The following BRINP1 variants were observed in gnomAD, a reference collection of about 807,000 sequenced individuals.
BRINP1 encodes the protein BMP/retinoic acid inducible neural specific 1, also known as BMP/retinoic acid-inducible neural-specific protein 1.
A neutral mutation model predicts 72.9 loss-of-function variants in BRINP1; 17 were observed. That is an observed-to-expected ratio of 0.23 (90% CI 0.16 to 0.35). BRINP1 has a LOEUF of 0.35. Ranked by LOEUF, BRINP1 falls within the 10% of genes least tolerant of loss-of-function variation. The pLI is 1.00. For synonymous variants in BRINP1, 418 were observed against 378.5 expected (o/e 1.10, Z -1.21); for missense variants, 850 against 1,001.6 (o/e 0.85, Z 2.04).
chr9:119,334,906 C>T (rs1299330268), intron 1 of BRINP1, among the ~76,000 whole-genome samples: 1 of 152,034 alleles, frequency 6.6e-6, no homozygotes, highest in East Asian at 1.9e-4. Context: ...TTTGTCTAAG[C>T]CTTAGCAAAG....
At chr9:119,301,097 C>T (rs1347992928) in intron 2 of BRINP1, among the ~76,000 whole-genome samples, 1 of 152,198 alleles carries the variant, frequency 6.6e-6, no homozygotes, top group Non-Finnish European at 1.5e-5. Flanking sequence ...TATACAACCA[C>T]CTACTAAGTC....
intron 1 of BRINP1, among the ~76,000 whole-genome samples, chr9:119,346,334 C>T (rs142343239): frequency 1.3e-4 from 20 of 152,082 alleles, no homozygotes; most frequent in Non-Finnish European, 2.5e-4. Flanking sequence ...CCTTTTTGAC[C>T]CCATGGCCAA....
chr9:119,259,308 G>A (rs1335102872), intron 2 of BRINP1, among the ~76,000 whole-genome samples: 3 of 152,162 alleles, frequency 2.0e-5, no homozygotes. Flanking sequence ...TATTTACCTT[G>A]CAGCATTGCT....
intron 5 of BRINP1, among the ~76,000 whole-genome samples, chr9:119,238,196 C>T (rs1830210855): frequency 6.6e-6 from 1 of 151,860 alleles, no homozygotes; most frequent in African/African-American, 2.4e-5. Flanking sequence ...AAAAACAGTG[C>T]TATGTGTACT....
At chr9:119,211,961 C>T (rs1041678496) in intron 6 of BRINP1, among the ~76,000 whole-genome samples, 2 of 152,074 alleles carry the variant, frequency 1.3e-5, no homozygotes, top group Non-Finnish European at 2.9e-5. Flanking sequence ...AAGAGTCTTA[C>T]TCCTTGTGCA....
intron 2 of BRINP1, among the ~76,000 whole-genome samples, chr9:119,278,953 G>A (rs1357758128): frequency 6.6e-6 from 1 of 151,886 alleles, no homozygotes; most frequent in African/African-American, 2.4e-5. Context: ...TCTGTCAATT[G>A]ATTTTTACAT....
rs182005391 is a variant in BRINP1 at position 119,299,157 on chromosome 9, T to G, written c.218+13981A>C. Reference sequence around the variant, plus strand: ...TTACAGTTTTTAAGTATAGTCACCATGTTGAACAATCGATCTTAAATTTGT... The same window carrying G: ...TTACAGTTTTTAAGTATAGTCACCAGGTTGAACAATCGATCTTAAATTTGT... On this transcript the variant is annotated intron_variant, in intron 2 of 7. Transcript: ENST00000265922. 5.7e-4 allele frequency among the ~76,000 whole-genome samples: 87 copies of G among 152,316 alleles called. No homozygotes were observed. In the East Asian group the frequency reaches 7.7e-3, roughly 14 times the overall value.
intron 6 of BRINP1, among the ~76,000 whole-genome samples, chr9:119,210,479 G>C (rs956406472): frequency 6.6e-6 from 1 of 152,046 alleles, no homozygotes; most frequent in Non-Finnish European, 1.5e-5. Context: ...AGGTATTTTA[G>C]AGCCCCCATT....
chr9:119,219,401 G>A (rs141670715), intron 5 of BRINP1, among the ~76,000 whole-genome samples: 164 of 152,104 alleles, frequency 1.1e-3, no homozygotes, highest in African/African-American at 3.6e-3. Context: ...ATTGGTCTTC[G>A]TTTTTAATCA....
At chr9:119,289,329 C>G (rs1319241769) in intron 2 of BRINP1, among the ~76,000 whole-genome samples, 1 of 152,164 alleles carries the variant, frequency 6.6e-6, no homozygotes, top group Non-Finnish European at 1.5e-5. Context: ...TTGGTATTCT[C>G]TACCTGTAAG....
intron 7 of BRINP1, among the ~76,000 whole-genome samples, chr9:119,197,462 A>G (rs916141484): frequency 2.6e-5 from 4 of 152,200 alleles, no homozygotes; most frequent in African/African-American, 9.7e-5. Flanking sequence ...TACATAATAA[A>G]TGGTCAATGT....
chr9:119,217,758 A>G (rs1030818024), intron 5 of BRINP1, among the ~76,000 whole-genome samples: 2 of 152,160 alleles, frequency 1.3e-5, no homozygotes, highest in African/African-American at 4.8e-5. Flanking sequence ...TCTGTGTCAC[A>G]TGATGGGATA....
chr9:119,288,581 T>C (rs919574020), intron 2 of BRINP1, among the ~76,000 whole-genome samples: 2 of 152,034 alleles, frequency 1.3e-5, no homozygotes, highest in Non-Finnish European at 2.9e-5. Context: ...CTGGAAGCAA[T>C]GGGCTTTGCT....
chr9:119,201,012 C>G (rs1829800306), intron 7 of BRINP1, among the ~76,000 whole-genome samples: 3 of 152,066 alleles, frequency 2.0e-5, no homozygotes. Flanking sequence ...GGAACCCAGC[C>G]AAGGGGTAGG....
At chr9:119,271,239 G>A (rs1830602142) in intron 2 of BRINP1, among the ~76,000 whole-genome samples, 1 of 151,520 alleles carries the variant, frequency 6.6e-6, no homozygotes, top group Admixed American at 6.6e-5. Flanking sequence ...AAACCCTCAA[G>A]ATGAGTACAG....
intron 7 of BRINP1, among the ~76,000 whole-genome samples, chr9:119,175,098 C>G (rs1052238723): frequency 7.2e-5 from 9 of 125,604 alleles, no homozygotes; most frequent in African/African-American, 3.3e-4. Context: ...GCACATGTAC[C>G]CTAAAACTTA....
chr9:119,194,988 T>C (rs1829721195), intron 7 of BRINP1, among the ~76,000 whole-genome samples: 1 of 152,366 alleles, frequency 6.6e-6, no homozygotes, highest in African/African-American at 2.4e-5. Context: ...TGTTTCATTT[T>C]ACTCCTTAAG....
At chr9:119,317,119 A>T (rs1422883855) in intron 1 of BRINP1, among the ~76,000 whole-genome samples, 2 of 149,140 alleles carry the variant, frequency 1.3e-5, no homozygotes, top group Admixed American at 1.3e-4. Context: ...AGAAAAAAGA[A>T]ATACATTTTA....
In BRINP1 at chr9:119,208,789, T is replaced by C. The variant is rs557731672; in HGVS notation, c.1075A>G (p.Thr359Ala). Residue 359 changes from threonine (T) to alanine (A), a missense_variant, in exon 7 of 8, where the codon ACT becomes GCT. Physicochemically the swap from Thr to Ala is moderately conservative, Grantham distance 58. Transcript: ENST00000265922. ...CTGAGGCCGAAAAGCTTGCGGGCAGTGCGTTGGATCTTTTGTCTCTGTGCC... is the reference window on the plus strand; with the variant it reads ...CTGAGGCCGAAAAGCTTGCGGGCAGCGCGTTGGATCTTTTGTCTCTGTGCC... The part of the protein sequence containing the change: ...TEAQRQKIQR[T>A]ARKLFGLSVR... 3 of 1,614,138 alleles carry C rather than the reference T, an allele frequency of 1.9e-6. No homozygotes were observed. The highest frequency in any genetic ancestry group is 2.5e-6 in the Non-Finnish European group (3 of 1,180,030).
Sources: gnomAD v4.1 joint callset for allele counts (sites outside exome capture counted in the v4.1 genomes callset) on GRCh38, gnomAD v4.1.1 for gene constraint, MANE v1.5 for transcripts, NCBI Gene and HGNC (gene_info 2026-07-23, HGNC 2026-07-21) for gene names.